Variants in GABRR2 observed in about 807,000 individuals in gnomAD.
The protein encoded by GABRR2 is gamma-aminobutyric acid type A receptor subunit rho2.
A neutral mutation model predicts 47.0 loss-of-function variants in GABRR2; 36 were observed. The observed-to-expected ratio is 0.77, with a 90% CI of 0.59 to 1.01. The LOEUF (loss-of-function observed/expected upper bound fraction) is 1.01, where lower values mean the gene tolerates loss of function less well. Ranked by LOEUF, GABRR2 falls within the 50% of genes least tolerant of loss-of-function variation. The pLI, the probability that GABRR2 is intolerant of heterozygous loss-of-function variation, is 0.00. For missense variants in GABRR2, 587 were observed against 594.6 expected, an observed-to-expected ratio of 0.99 and a Z score of 0.13; for synonymous variants, 204 against 227.5, an observed-to-expected ratio of 0.90 and a Z score of 0.93.
At chr6:89,276,891 A>G (rs1774172442) in intron 2 of GABRR2, among the ~76,000 whole-genome samples, 1 of 152,232 alleles carries the variant, frequency 6.6e-6, no homozygotes, top group Non-Finnish European at 1.5e-5. Context: ...AAAAGTACCT[A>G]GAAATAAGTA....
Position 89,267,691 on chromosome 6 carries a change from A to G in GABRR2, c.724T>C (p.Tyr242His), listed in dbSNP as rs1773933227. The change falls in exon 6 of 9, where the codon TAC becomes CAC. Residue 242 changes from tyrosine to histidine, a missense_variant. Tyr to His is a moderately conservative substitution (Grantham distance 83). Transcript: ENST00000402938. ...KFHTTSRLAFYSSTGWYNRLY... is the reference protein window; with the variant it reads ...KFHTTSRLAFHSSTGWYNRLY... The stretch of plus-strand genomic sequence containing the variant: ...AAAAGATAGCTACCAGTGCTGCTGT[A>G]GAAGGCCAGCCTGGAAGTTGTGTGA... The G allele has an allele frequency of 6.2e-7, 1 of 1,613,162 alleles. No individual in the cohort carries two copies.
chr6:89,273,378 G>A (rs939124652), intron 2 of GABRR2, among the ~76,000 whole-genome samples: 11 of 152,230 alleles, frequency 7.2e-5, no homozygotes, highest in African/African-American at 2.6e-4. Context: ...AATTACAGGC[G>A]CCTGCCACCA....
intron 2 of GABRR2, among the ~76,000 whole-genome samples, chr6:89,281,893 C>T (rs1056392720): frequency 1.3e-5 from 2 of 152,118 alleles, no homozygotes; most frequent in Admixed American, 6.5e-5. Flanking sequence ...GGGTCCAGAC[C>T]GGAGCCTATG....
At position 89,254,534 on chromosome 6, in the gene GABRR2, GGA is replaced by G. The variant is rs1192212319; in HGVS notation, c.*3134_*3135del. On this transcript the variant is annotated 3_prime_UTR_variant, in exon 9 of 9. Transcript: ENST00000402938. ...TCACAGTTTCATATTGGTGAAATCA[GGA>G]TTCATATTATAATCATTGGCATTCC... 6.6e-6 allele frequency among the ~76,000 whole-genome samples: 1 copy of G among 152,102 alleles called. No individual in the cohort carries two copies. The highest frequency in any genetic ancestry group is 1.5e-5 in the Non-Finnish European group (1 of 68,030).
chr6:89,301,200 ACT>A, intron 1 of GABRR2, among the ~76,000 whole-genome samples: 1 of 152,060 alleles, frequency 6.6e-6, no homozygotes, highest in Admixed American at 6.6e-5. Context: ...CTTATTAAAA[ACT>A]CTTAATAAAC....
At chr6:89,300,929 C>A (rs1767412822) in intron 1 of GABRR2, among the ~76,000 whole-genome samples, 1 of 152,060 alleles carries the variant, frequency 6.6e-6, no homozygotes, top group South Asian at 2.1e-4. Flanking sequence ...CAGAAACACA[C>A]ACACACACAA....
In GABRR2 at chr6:89,257,582, G is replaced by A; in HGVS notation, c.*88C>T. The stretch of plus-strand genomic sequence containing the variant: ...CAGTAGCTGCTGCATTGTTTGGTGA[G>A]GGGCGTGTGGTCAACAAGTCCGTCT... On this transcript the variant is annotated 3_prime_UTR_variant, in exon 9 of 9. Coordinates refer to ENST00000402938, the MANE Select transcript of GABRR2 (RefSeq NM_002043.5). The A allele has an allele frequency of 9.6e-7, 1 of 1,043,336 alleles. No individual in the cohort carries two copies. The highest frequency in any genetic ancestry group is 1.4e-6 in the Non-Finnish European group (1 of 718,786). The allele number at this position is 1,043,336 out of a possible 1,614,324, so 64.6% of individuals were successfully genotyped here.
chr6:89,274,927 T>C (rs1774132101), intron 2 of GABRR2, among the ~76,000 whole-genome samples: 1 of 152,100 alleles, frequency 6.6e-6, no homozygotes, highest in South Asian at 2.1e-4. Context: ...GACTTCTCTT[T>C]GGGATTTCTC....
intron 2 of GABRR2, among the ~76,000 whole-genome samples, chr6:89,286,232 A>G (rs1429358709): frequency 8.5e-5 from 13 of 152,214 alleles, no homozygotes; most frequent in Non-Finnish European, 1.2e-4. Flanking sequence ...AGAAGCAGAG[A>G]GTAGAATAGT....
intron 2 of GABRR2, among the ~76,000 whole-genome samples, chr6:89,274,108 G>A (rs893137301): frequency 6.6e-6 from 1 of 152,242 alleles, no homozygotes; most frequent in Non-Finnish European, 1.5e-5. Context: ...TCAGGGCCTG[G>A]CTTGCTCTTC....
intron 8 of GABRR2, among the ~76,000 whole-genome samples, chr6:89,263,836 T>C (rs1684228429): frequency 6.6e-6 from 1 of 152,208 alleles, no homozygotes; most frequent in African/African-American, 2.4e-5. Flanking sequence ...AGTATAGTAT[T>C]TCCAATTTCC....
intron 2 of GABRR2, among the ~76,000 whole-genome samples, chr6:89,280,350 G>A (rs1774239031): frequency 6.6e-6 from 1 of 151,152 alleles, no homozygotes; most frequent in Non-Finnish European, 1.5e-5. Context: ...AGAGCCTGAG[G>A]CTCTTACTCC....
intron 2 of GABRR2, among the ~76,000 whole-genome samples, chr6:89,291,515 C>T (rs1003878103): frequency 6.6e-6 from 1 of 151,882 alleles, no homozygotes; most frequent in Non-Finnish European, 1.5e-5. Context: ...CGTGGACCTG[C>T]TCCTGCTCCC....
intron 1 of GABRR2, among the ~76,000 whole-genome samples, chr6:89,307,982 A>G (rs1266097904): frequency 1.3e-5 from 2 of 151,790 alleles, no homozygotes; most frequent in East Asian, 1.9e-4. Flanking sequence ...ACACCCAGCT[A>G]ATTTTTGTAT....
chr6:89,311,810 A>T (rs962689058), intron 1 of GABRR2, among the ~76,000 whole-genome samples: 3 of 152,164 alleles, frequency 2.0e-5, no homozygotes, highest in African/African-American at 7.2e-5. Flanking sequence ...CCCCCTTTTC[A>T]GCTGGAGAAA....
chr6:89,273,966 C>T (rs1450629901), intron 2 of GABRR2, among the ~76,000 whole-genome samples: 1 of 152,190 alleles, frequency 6.6e-6, no homozygotes, highest in East Asian at 1.9e-4. Context: ...CGATGGCCCT[C>T]TTGGATTCAT....
chr6:89,275,793 G>C (rs1410944729), intron 2 of GABRR2, among the ~76,000 whole-genome samples: 1 of 152,072 alleles, frequency 6.6e-6, no homozygotes, highest in African/African-American at 2.4e-5. Flanking sequence ...GTGGAGCTTC[G>C]TACTTCATAT....
chr6:89,264,688 T>C lies in GABRR2; in HGVS notation c.890-80A>G, dbSNP rs1013398108. On this transcript the variant is annotated intron_variant, in intron 7 of 8. Transcript: ENST00000402938. The stretch of plus-strand genomic sequence containing the variant: ...ATCTCACTAAGTCACGATTTTACAC[T>C]CTCTATCTCTTAAACCACATGAGAA... 2.2e-5 allele frequency: 34 copies of C among 1,519,928 alleles called. No homozygotes were observed. The African/African-American group carries it at 4.4e-4, about 20-fold the overall frequency. The allele number at this position is 1,519,928 out of a possible 1,614,324, so 94.2% of individuals were successfully genotyped here. A position where few individuals can be genotyped will look rare whatever the true frequency, so the allele number is the denominator to read the frequency against.
intron 8 of GABRR2, among the ~76,000 whole-genome samples, chr6:89,259,152 A>AC (rs1039347944): frequency 1.3e-4 from 19 of 151,980 alleles, no homozygotes; most frequent in African/African-American, 4.6e-4. Flanking sequence ...CTTGGTGTTG[A>AC]CTGAGAGCAG....
Sources: allele counts gnomAD v4.1 joint callset (sites outside exome capture counted in the v4.1 genomes callset), GRCh38; gene constraint gnomAD v4.1.1; transcripts MANE v1.5; gene names NCBI Gene and HGNC (gene_info 2026-07-23, HGNC 2026-07-21).